Variants in TNS3 observed in about 807,000 individuals in gnomAD.
TNS3 encodes the protein tensin 3, also known as tensin-3.
TNS3 carries 45 observed loss-of-function variants against 140.9 expected under a neutral mutation model. That is an observed-to-expected ratio of 0.32 (90% CI 0.25 to 0.41). The LOEUF (loss-of-function observed/expected upper bound fraction) is 0.41, where lower values mean the gene tolerates loss of function less well. TNS3 is among the 10% of genes least tolerant of loss of function. TNS3 has a pLI of 1.00. For synonymous variants in TNS3, 815 were observed against 788.4 expected, an observed-to-expected ratio of 1.03 and a Z score of -0.56; for missense variants, 1,716 against 1,906.7, an observed-to-expected ratio of 0.90 and a Z score of 1.86.
chr7:47,293,667 G>T, intron 25 of TNS3, 66 bp downstream of exon 25: 2 of 1,393,430 alleles, frequency 1.4e-6, no homozygotes, highest in Non-Finnish European at 2.0e-6. Flanking sequence ...ATCTCAGGTT[G>T]GTGAGCAGAG....
chr7:47,406,727 T>C (rs1793471397), intron 13 of TNS3, among the ~76,000 whole-genome samples: 1 of 152,206 alleles, frequency 6.6e-6, no homozygotes. Flanking sequence ...CTCCAAGCCA[T>C]GACTGTTGCC....
intron 13 of TNS3, among the ~76,000 whole-genome samples, chr7:47,409,573 T>C (rs1793646052): frequency 6.6e-6 from 1 of 151,898 alleles, no homozygotes; most frequent in Non-Finnish European, 1.5e-5. Context: ...AGATGCTGCC[T>C]CCCAGGGCAG....
intron 1 of TNS3, among the ~76,000 whole-genome samples, chr7:47,573,861 G>A (rs1475226078): frequency 1.3e-5 from 2 of 152,220 alleles, no homozygotes; most frequent in African/African-American, 2.4e-5. Context: ...CCAAGGAGGG[G>A]AAAACGACAG....
chr7:47,364,723 T>A (rs967010361), intron 17 of TNS3, among the ~76,000 whole-genome samples: 1 of 152,188 alleles, frequency 6.6e-6, no homozygotes, highest in Non-Finnish European at 1.5e-5. Context: ...AAGAGGCACG[T>A]CCTGGAAGAG....
At chr7:47,509,766 C>T (rs572705260) in intron 2 of TNS3, among the ~76,000 whole-genome samples, 1 of 152,260 alleles carries the variant, frequency 6.6e-6, no homozygotes, top group East Asian at 1.9e-4. Context: ...TCACGCCATC[C>T]TGCACCCACC....
intron 1 of TNS3, among the ~76,000 whole-genome samples, chr7:47,547,259 G>A (rs1584844320): frequency 6.6e-6 from 1 of 152,152 alleles, no homozygotes; most frequent in Admixed American, 6.5e-5. Flanking sequence ...GGGGCGGAGG[G>A]CAAAGCGAAG....
intron 1 of TNS3, among the ~76,000 whole-genome samples, chr7:47,538,214 G>T (rs1455407470): frequency 5.3e-5 from 8 of 152,070 alleles, no homozygotes; most frequent in Non-Finnish European, 1.0e-4. Flanking sequence ...AATGCCTGTC[G>T]GACTTCACCA....
chr7:47,517,410 TA>T (rs1798815419), intron 2 of TNS3, among the ~76,000 whole-genome samples: 1 of 152,070 alleles, frequency 6.6e-6, no homozygotes. Context: ...AAGCCTCAGA[TA>T]AGTCTCGTCG....
intron 3 of TNS3, among the ~76,000 whole-genome samples, chr7:47,496,441 A>G (rs563412408): frequency 6.6e-6 from 1 of 152,272 alleles, no homozygotes; most frequent in Admixed American, 6.5e-5. Flanking sequence ...TTTCAAGCTG[A>G]TTAATGTCAG....
intron 4 of TNS3, among the ~76,000 whole-genome samples, chr7:47,459,201 G>T (rs963800592): frequency 1.3e-5 from 2 of 152,126 alleles, no homozygotes; most frequent in Admixed American, 6.5e-5. Flanking sequence ...AGTTTAAAAT[G>T]TTAACATCCT....
intron 1 of TNS3, among the ~76,000 whole-genome samples, chr7:47,552,758 G>C (rs186508317): frequency 2.0e-5 from 3 of 152,160 alleles, no homozygotes; most frequent in Non-Finnish European, 4.4e-5. Context: ...TTAATAACCA[G>C]TAGTGTTGAA....
intron 13 of TNS3, among the ~76,000 whole-genome samples, chr7:47,408,278 G>T (rs1342015481): frequency 6.6e-6 from 1 of 152,090 alleles, no homozygotes; most frequent in Non-Finnish European, 1.5e-5. Flanking sequence ...CATTTATCAA[G>T]TGCCAAACCC....
chr7:47,559,990 G>C (rs376346789), intron 1 of TNS3, among the ~76,000 whole-genome samples: 1 of 152,170 alleles, frequency 6.6e-6, no homozygotes, highest in East Asian at 1.9e-4. Context: ...AAGGTAGGAA[G>C]CTGGGTCTAC....
intron 1 of TNS3, among the ~76,000 whole-genome samples, chr7:47,554,697 G>A (rs1366509208): frequency 6.6e-6 from 1 of 152,174 alleles, no homozygotes; most frequent in African/African-American, 2.4e-5. Flanking sequence ...TAATGGATGA[G>A]AAGTTGCTTC....
At chr7:47,483,004 T>C (rs1797478836) in intron 3 of TNS3, among the ~76,000 whole-genome samples, 2 of 152,118 alleles carry the variant, frequency 1.3e-5, no homozygotes, top group Non-Finnish European at 2.9e-5. Flanking sequence ...ACGCACGTCA[T>C]TCTGCATTTG....
chr7:47,386,935 C>G (rs1792110017), intron 16 of TNS3, among the ~76,000 whole-genome samples: 1 of 152,246 alleles, frequency 6.6e-6, no homozygotes, highest in Admixed American at 6.5e-5. Flanking sequence ...ACCCACTAGT[C>G]TCTGACACCT....
chr7:47,394,975 G>A (rs187367661), intron 16 of TNS3, among the ~76,000 whole-genome samples: 98 of 152,348 alleles, frequency 6.4e-4, no homozygotes, highest in African/African-American at 2.3e-3. Context: ...GCTCCTCACA[G>A]GAGCTGGGGC....
chr7:47,282,360 C>A (rs983842185), intron 28 of TNS3, among the ~76,000 whole-genome samples: 5 of 151,580 alleles, frequency 3.3e-5, no homozygotes, highest in Admixed American at 3.3e-4. Context: ...CAAGGCACAA[C>A]CCTGACTCTG....
intron 20 of TNS3, among the ~76,000 whole-genome samples, chr7:47,338,499 T>C (rs530828009): frequency 1.3e-5 from 2 of 152,344 alleles, no homozygotes; most frequent in South Asian, 4.1e-4. Flanking sequence ...GTCTCTTTTT[T>C]TCTTTGAACC....
Sources: allele counts gnomAD v4.1 joint callset (sites outside exome capture counted in the v4.1 genomes callset), GRCh38; gene constraint gnomAD v4.1.1; transcripts MANE v1.5; gene names NCBI Gene and HGNC (gene_info 2026-07-23, HGNC 2026-07-21).